The following OXSR1 variants were observed in gnomAD, a reference collection of about 807,000 sequenced individuals.
OXSR1 encodes oxidative stress responsive kinase 1, also known as serine/threonine-protein kinase OSR1.
OXSR1 carries 24 observed loss-of-function variants against 79.8 expected under a neutral mutation model. The observed-to-expected ratio is 0.30, with a 90% confidence interval of 0.22 to 0.42. The LOEUF (loss-of-function observed/expected upper bound fraction) is 0.42, where lower values mean the gene tolerates loss of function less well. OXSR1 is among the 10% of genes least tolerant of loss of function. The pLI is 1.00. For missense variants in OXSR1, 430 were observed against 618.4 expected (o/e 0.70, Z 3.23); for synonymous variants, 226 against 209.2 (o/e 1.08, Z -0.69).
chr3:38,205,937 G>A (rs1702256685), intron 4 of OXSR1, among the ~76,000 whole-genome samples: 1 of 152,168 alleles, frequency 6.6e-6, no homozygotes, highest in Admixed American at 6.5e-5. Flanking sequence ...CTTTTTAAGG[G>A]GGAAGATTTA....
chr3:38,194,722 GAGAGA>G (rs1575324791), intron 3 of OXSR1, among the ~76,000 whole-genome samples: 1 of 152,104 alleles, frequency 6.6e-6, no homozygotes, highest in African/African-American at 2.4e-5. Flanking sequence ...CAGAGAGAAT[GAGAGA>G]AGAGGACTAT....
At chr3:38,178,620 ATTTTTTTTT>A (rs71085303) in intron 1 of OXSR1, among the ~76,000 whole-genome samples, 5 of 95,126 alleles carry the variant, frequency 5.3e-5, no homozygotes, top group Admixed American at 5.0e-4. Context: ...ATATATATAT[ATTTTTTTTT>A]TTTTTTTTTT....
intron 6 of OXSR1, among the ~76,000 whole-genome samples, chr3:38,223,523 A>G (rs1304463851): frequency 6.6e-6 from 1 of 150,406 alleles, no homozygotes; most frequent in African/African-American, 2.4e-5. Context: ...GTTCACCGCA[A>G]CCTCTACCTC....
intron 4 of OXSR1, among the ~76,000 whole-genome samples, chr3:38,206,489 T>C (rs1051695265): frequency 1.3e-5 from 2 of 150,824 alleles, no homozygotes; most frequent in Admixed American, 6.6e-5. Context: ...AATCCACTTA[T>C]TGCATTCTTA....
chr3:38,240,270 ACT>A (rs1002492618), intron 11 of OXSR1, among the ~76,000 whole-genome samples: 1 of 152,036 alleles, frequency 6.6e-6, no homozygotes, highest in Non-Finnish European at 1.5e-5. Flanking sequence ...CAGTTCAGAA[ACT>A]CTTGTAGGAT....
At chr3:38,234,076 C>T (rs1702868856) in intron 10 of OXSR1, among the ~76,000 whole-genome samples, 1 of 152,160 alleles carries the variant, frequency 6.6e-6, no homozygotes, top group African/African-American at 2.4e-5. Context: ...GGGTCTTTTA[C>T]TCTCGTCCTA....
chr3:38,252,537 A>G, intron 17 of OXSR1, 145 bp downstream of exon 17: 4 of 711,570 alleles, frequency 5.6e-6, no homozygotes, highest in Non-Finnish European at 1.0e-5. Context: ...CCCTGGGCTG[A>G]TGTTTCCCTT....
intron 2 of OXSR1, among the ~76,000 whole-genome samples, chr3:38,190,515 A>G (rs1289079961): frequency 1.3e-5 from 2 of 152,170 alleles, no homozygotes; most frequent in African/African-American, 2.4e-5. Flanking sequence ...CTAGTTTGAA[A>G]GATTACTAGT....
chr3:38,249,749 T>C (rs1309354385), intron 14 of OXSR1, among the ~76,000 whole-genome samples: 1 of 152,112 alleles, frequency 6.6e-6, no homozygotes, highest in Non-Finnish European at 1.5e-5. Context: ...TATTGATCAG[T>C]AAGGGACATA....
chr3:38,254,539 C>G lies in OXSR1; in HGVS notation c.*1648C>G, dbSNP rs1439974753. 2.1e-5 allele frequency: 7 copies of G among 332,584 alleles called. No individual in the cohort carries two copies. Among genetic ancestry groups the G allele is most frequent in the Non-Finnish European group, 3.8e-5 (7 of 184,558 alleles). The allele number at this position is 332,584 out of a possible 1,614,324, so 20.6% of individuals were successfully genotyped here. ...TGGTAAAAGGAGGGAGCCTGCTGAG[C>G]CAGGAGGGAGAAAAGAAGATTGACC... On this transcript the variant is annotated 3_prime_UTR_variant, in exon 18 of 18. Transcript: ENST00000311806.
intron 2 of OXSR1, 90 bp from the exon 3 acceptor site, chr3:38,190,641 T>G: frequency 1.4e-6 from 1 of 736,706 alleles, no homozygotes. Context: ...TGTGACACAG[T>G]CTTGAGATTT....
intron 8 of OXSR1, 104 bp downstream of exon 8, chr3:38,224,808 A>C: frequency 1.3e-6 from 1 of 799,928 alleles, no homozygotes; most frequent in South Asian, 2.0e-5. Context: ...AAAGAACTAA[A>C]TATAAACTTT....
intron 2 of OXSR1, among the ~76,000 whole-genome samples, chr3:38,188,012 T>C (rs573570733): frequency 6.6e-6 from 1 of 152,344 alleles, no homozygotes; most frequent in Non-Finnish European, 1.5e-5. Context: ...AGGATAACTC[T>C]ACTGGTAGTT....
At chr3:38,218,526 TTTG>T (rs936842299) in intron 5 of OXSR1, among the ~76,000 whole-genome samples, 15 of 152,172 alleles carry the variant, frequency 9.9e-5, no homozygotes, top group Non-Finnish European at 2.1e-4. Flanking sequence ...TTATTTTATT[TTTG>T]TTGTTGTTGT....
chr3:38,199,968 C>T (rs1702133406), intron 4 of OXSR1, among the ~76,000 whole-genome samples: 1 of 152,124 alleles, frequency 6.6e-6, no homozygotes, highest in Non-Finnish European at 1.5e-5. Flanking sequence ...CCTCTTTGCT[C>T]CTGGGTGGGG....
At chr3:38,164,269 C>A (rs1179665239), upstream of OXSR1, among the ~76,000 whole-genome samples, 1 of 152,136 alleles carries the variant, frequency 6.6e-6, no homozygotes, top group Non-Finnish European at 1.5e-5. Context: ...CTTCAGCCTC[C>A]CTAGTAGCTG....
chr3:38,166,512 G>T (rs272577), intron 1 of OXSR1, among the ~76,000 whole-genome samples: 10,183 of 152,166 alleles, frequency 0.067, 500 homozygotes, highest in Non-Finnish European at 0.1. Flanking sequence ...AGTAAGAAGG[G>T]CTGGGCGTGG....
chr3:38,217,980 T>C (rs1702517856), intron 5 of OXSR1, among the ~76,000 whole-genome samples: 1 of 152,224 alleles, frequency 6.6e-6, no homozygotes, highest in African/African-American at 2.4e-5. Context: ...TTCCATTGTA[T>C]TTACGTGCTG....
At chr3:38,166,167 C>G (rs952973253) in intron 1 of OXSR1, among the ~76,000 whole-genome samples, 5 of 151,554 alleles carry the variant, frequency 3.3e-5, no homozygotes, top group Non-Finnish European at 7.4e-5. Flanking sequence ...TGGGGTGAGG[C>G]TTGAGGGGGC....
Sources: allele counts gnomAD v4.1 joint callset (sites outside exome capture counted in the v4.1 genomes callset), GRCh38; gene constraint gnomAD v4.1.1; transcripts MANE v1.5; gene names NCBI Gene and HGNC (gene_info 2026-07-23, HGNC 2026-07-21).